The following DRC11 variants were observed in gnomAD, a reference collection of about 807,000 sequenced individuals.
DRC11 encodes the protein IQ and AAA domain-containing protein 1.
the DRC11 span, among the ~76,000 whole-genome samples, chr2:236,506,490 T>A: frequency 6.6e-6 from 1 of 152,206 alleles, no homozygotes; most frequent in Admixed American, 6.5e-5. This position sits in a 1 kb window ranked among gnomAD's most constrained non-coding sequence, Gnocchi z 4.9. Flanking sequence ...CTGCTCTTAT[T>A]TCCTTGCCTA....
chr2:236,311,605 G>A, the DRC11 span, among the ~76,000 whole-genome samples: 5 of 152,210 alleles, frequency 3.3e-5, 1 homozygote, highest in South Asian at 1.0e-3. The surrounding 1 kb of genome is among the most constrained non-coding windows in gnomAD (Gnocchi z 6.9). Flanking sequence ...AGCAGTTATC[G>A]GGATACTAGG....
the DRC11 span, chr2:236,419,081 C>T: frequency 1.4e-6 from 2 of 1,472,116 alleles, no homozygotes; most frequent in African/African-American, 2.9e-5. The surrounding 1 kb of genome is among the most constrained non-coding windows in gnomAD (Gnocchi z 4.8). Context: ...ATCTCATTGA[C>T]TCAAAGCAAA....
the DRC11 span, among the ~76,000 whole-genome samples, chr2:236,417,572 T>G: frequency 2.0e-5 from 3 of 151,626 alleles, no homozygotes; most frequent in Admixed American, 6.6e-5. Flanking sequence ...TTTTTTTTTT[T>G]TATATTACTT....
At chr2:236,501,954 TAACTCCAGACAGC>T in the DRC11 span, among the ~76,000 whole-genome samples, 2 of 152,136 alleles carry the variant, frequency 1.3e-5, no homozygotes, top group African/African-American at 4.8e-5. Flanking sequence ...GAGGAAAGCA[TAACTCCAGACAGC>T]AACAGTCCAG....
At chr2:236,332,984 C>T in the DRC11 span, 1 of 152,226 alleles carries the variant, frequency 6.6e-6, no homozygotes, top group Non-Finnish European at 1.5e-5. The surrounding 1 kb of genome is among the most constrained non-coding windows in gnomAD (Gnocchi z 5.1). Context: ...AATCCCTGAT[C>T]TACTCTGCTC....
chr2:236,375,872 T>C, the DRC11 span, among the ~76,000 whole-genome samples: 3 of 152,218 alleles, frequency 2.0e-5, no homozygotes, highest in Admixed American at 6.5e-5. The surrounding 1 kb of genome is among the most constrained non-coding windows in gnomAD (Gnocchi z 4.2). Context: ...AAATCTCCAC[T>C]TTTACAACTG....
chr2:236,490,348 T>G, the DRC11 span, among the ~76,000 whole-genome samples: 1 of 152,308 alleles, frequency 6.6e-6, no homozygotes, highest in African/African-American at 2.4e-5. The surrounding 1 kb of genome is among the most constrained non-coding windows in gnomAD (Gnocchi z 5.5). Context: ...AGACTGACCG[T>G]CTTTCCACTA....
At chr2:236,368,111 GACA>G in the DRC11 span, 1 of 838,082 alleles carries the variant, frequency 1.2e-6, no homozygotes, top group Non-Finnish European at 2.0e-6. Context: ...TACTTTTGAT[GACA>G]AACAGGAACA....
the DRC11 span, among the ~76,000 whole-genome samples, chr2:236,418,887 G>A: frequency 3.3e-5 from 5 of 152,298 alleles, no homozygotes; most frequent in East Asian, 1.9e-4. Context: ...AAGCTATCAC[G>A]TATGTGAAAA....
At chr2:236,480,959 G>A in the DRC11 span, among the ~76,000 whole-genome samples, 2 of 152,178 alleles carry the variant, frequency 1.3e-5, no homozygotes, top group African/African-American at 4.8e-5. Context: ...GGAACCTTAA[G>A]CCCAGGTTTG....
chr2:236,371,769 G>A, the DRC11 span, among the ~76,000 whole-genome samples: 2 of 152,276 alleles, frequency 1.3e-5, no homozygotes, highest in South Asian at 2.1e-4. The surrounding 1 kb of genome is among the most constrained non-coding windows in gnomAD (Gnocchi z 5.1). Context: ...ATCAGTTTGT[G>A]TCCCATGTAC....
the DRC11 span, among the ~76,000 whole-genome samples, chr2:236,355,643 C>T: frequency 2.6e-5 from 4 of 152,036 alleles, no homozygotes; most frequent in African/African-American, 7.2e-5. Context: ...TTTTAGGGGC[C>T]AGATGTAGGC....
the DRC11 span, among the ~76,000 whole-genome samples, chr2:236,398,878 A>G: frequency 2.6e-5 from 4 of 152,224 alleles, no homozygotes; most frequent in Non-Finnish European, 5.9e-5. This position sits in a 1 kb window ranked among gnomAD's most constrained non-coding sequence, Gnocchi z 6.2. Context: ...CTAGCATGAA[A>G]ACATTCAGCT....
chr2:236,421,380 C>A, the DRC11 span, among the ~76,000 whole-genome samples: 1 of 152,070 alleles, frequency 6.6e-6, no homozygotes, highest in African/African-American at 2.4e-5. Flanking sequence ...AAGGGGATAT[C>A]ACCACCGACC....
At chr2:236,330,482 C>G in the DRC11 span, among the ~76,000 whole-genome samples, 1 of 152,110 alleles carries the variant, frequency 6.6e-6, no homozygotes, top group East Asian at 1.9e-4. This position sits in a 1 kb window ranked among gnomAD's most constrained non-coding sequence, Gnocchi z 5.5. Context: ...CTATTTTTCA[C>G]CTTTCTAATG....
the DRC11 span, among the ~76,000 whole-genome samples, chr2:236,344,374 T>G: frequency 6.6e-6 from 1 of 152,164 alleles, no homozygotes; most frequent in South Asian, 2.1e-4. Context: ...CTATGTCTCA[T>G]AAAGTCAGAC....
At chr2:236,311,752 G>C in the DRC11 span, among the ~76,000 whole-genome samples, 1 of 150,398 alleles carries the variant, frequency 6.6e-6, no homozygotes, top group Non-Finnish European at 1.5e-5. The surrounding 1 kb of genome is among the most constrained non-coding windows in gnomAD (Gnocchi z 6.9). Flanking sequence ...GCTCACTTTT[G>C]TCTCACTGGG....
At chr2:236,324,637 T>C in the DRC11 span, 1 of 1,053,646 alleles carries the variant, frequency 9.5e-7, no homozygotes. The surrounding 1 kb of genome is among the most constrained non-coding windows in gnomAD (Gnocchi z 5.7). Flanking sequence ...GACTCAAGCA[T>C]GGTTCTTCAG....
chr2:236,444,506 A>T, the DRC11 span, among the ~76,000 whole-genome samples: 1 of 152,152 alleles, frequency 6.6e-6, no homozygotes, highest in Non-Finnish European at 1.5e-5. Flanking sequence ...GGGTCCTGGG[A>T]CACACTTTGA....
Sources: allele counts gnomAD v4.1 joint callset (sites outside exome capture counted in the v4.1 genomes callset), GRCh38; gene constraint gnomAD v4.1.1; non-coding constraint Gnocchi (gnomAD v3.1); transcripts MANE v1.5; gene names NCBI Gene and HGNC (gene_info 2026-07-23, HGNC 2026-07-21).